Variants in TFDP2 observed in about 807,000 individuals in gnomAD.
The protein encoded by TFDP2 is transcription factor Dp-2 (E2F dimerization partner 2).
Under a neutral mutation model 59.3 loss-of-function variants are expected in TFDP2, and 17 were observed. The ratio of observed to expected loss-of-function variants is 0.29; its 90% confidence interval spans 0.20 to 0.43. The LOEUF (loss-of-function observed/expected upper bound fraction) is 0.43, where lower values mean the gene tolerates loss of function less well. Ranked by LOEUF, TFDP2 falls within the 20% of genes least tolerant of loss-of-function variation. The pLI, the probability that TFDP2 is intolerant of heterozygous loss-of-function variation, is 1.00. For synonymous variants in TFDP2, 180 were observed against 194.7 expected (o/e 0.92, Z 0.63); for missense variants, 391 against 528.8 (o/e 0.74, Z 2.56).
intron 6 of TFDP2, among the ~76,000 whole-genome samples, chr3:141,991,776 A>G (rs960163877): frequency 2.0e-5 from 3 of 150,486 alleles, no homozygotes; most frequent in Admixed American, 2.0e-4. Context: ...GGCGTGGTGG[A>G]TCATGCCTGT....
At chr3:142,127,330 CAG>C (rs1251878035) in intron 1 of TFDP2, among the ~76,000 whole-genome samples, 2 of 112,634 alleles carry the variant, frequency 1.8e-5, no homozygotes, top group African/African-American at 6.9e-5. Flanking sequence ...TTTTTTGAGA[CAG>C]AGTCTCGCTG....
chr3:142,055,585 A>C (rs1174866539), intron 3 of TFDP2, among the ~76,000 whole-genome samples: 1 of 152,236 alleles, frequency 6.6e-6, no homozygotes, highest in East Asian at 1.9e-4. Flanking sequence ...GACAAGGCTA[A>C]CATTTAAACT....
intron 1 of TFDP2, among the ~76,000 whole-genome samples, chr3:142,112,713 G>T (rs1044798254): frequency 4.6e-5 from 7 of 152,018 alleles, no homozygotes; most frequent in African/African-American, 2.4e-5. Flanking sequence ...TGAGACAGAG[G>T]TCTTGCTATA....
chr3:142,026,853 T>C (rs906143113), intron 3 of TFDP2, among the ~76,000 whole-genome samples: 3 of 152,196 alleles, frequency 2.0e-5, no homozygotes, highest in African/African-American at 2.4e-5. Context: ...CTCTTTCCAT[T>C]AGCAACCAAT....
intron 3 of TFDP2, among the ~76,000 whole-genome samples, chr3:142,050,672 G>C (rs530301580): frequency 6.6e-6 from 1 of 152,114 alleles, no homozygotes; most frequent in East Asian, 1.9e-4. Context: ...CTCCAGCCTG[G>C]GTGACAGACA....
chr3:142,143,964 C>A (rs2063056334), intron 1 of TFDP2, among the ~76,000 whole-genome samples: 1 of 152,148 alleles, frequency 6.6e-6, no homozygotes, highest in Non-Finnish European at 1.5e-5. Flanking sequence ...ATGTTTGTTG[C>A]AGCACTGTTT....
chr3:142,131,866 C>T (rs1295023840), intron 1 of TFDP2, among the ~76,000 whole-genome samples: 1 of 149,316 alleles, frequency 6.7e-6, no homozygotes, highest in Non-Finnish European at 1.5e-5. Context: ...GTTAGCTGGA[C>T]GTGGTGGCAC....
chr3:142,002,317 GTTTTT>G (rs750047190), intron 4 of TFDP2, among the ~76,000 whole-genome samples: 1 of 106,858 alleles, frequency 9.4e-6, no homozygotes, highest in Non-Finnish European at 1.8e-5. Flanking sequence ...TATTTTTAGT[GTTTTT>G]TTTTTTTTTT....
At chr3:142,051,522 C>CA (rs774707613) in intron 3 of TFDP2, among the ~76,000 whole-genome samples, 461 of 120,156 alleles carry the variant, frequency 3.8e-3, no homozygotes, top group Middle Eastern at 0.013. Flanking sequence ...GATTCCATCT[C>CA]AAAAAAAAAA....
intron 2 of TFDP2, 98 bp downstream of exon 2, chr3:142,101,637 A>G (rs373292013): frequency 9.3e-6 from 7 of 755,512 alleles, no homozygotes; most frequent in East Asian, 8.3e-5. Context: ...CCATGCAAGT[A>G]AATTAAATCT....
chr3:141,946,397 T>G lies in TFDP2; in HGVS notation c.*6116A>C, dbSNP rs1935253081. The G allele has an allele frequency of 6.6e-6, 1 of 152,240 alleles. No homozygotes were observed. Among genetic ancestry groups the G allele is most frequent in the Admixed American group, 6.5e-5 (1 of 15,282 alleles). The allele number at this position is 152,240 out of a possible 1,614,324, so 9.4% of individuals were successfully genotyped here. A position where few individuals can be genotyped will look rare whatever the true frequency, so the allele number is the denominator to read the frequency against. The stretch of plus-strand genomic sequence containing the variant: ...CAGCATTGACTTCAACAGGCCTTTT[T>G]TGTAAAGCAAAAGGTAAGATGACAA... On this transcript the variant is annotated 3_prime_UTR_variant, in exon 13 of 13. Transcript: ENST00000489671.
At chr3:142,135,088 A>G (rs1269405061) in intron 1 of TFDP2, among the ~76,000 whole-genome samples, 1 of 152,034 alleles carries the variant, frequency 6.6e-6, no homozygotes, top group African/African-American at 2.4e-5. Context: ...TATTATCGCT[A>G]TTACAGTTTT....
chr3:142,144,382 A>T (rs1233506649), intron 1 of TFDP2, among the ~76,000 whole-genome samples: 7 of 151,284 alleles, frequency 4.6e-5, no homozygotes, highest in South Asian at 2.1e-4. Flanking sequence ...AAAAAAAAAA[A>T]GCGGGGCAGC....
At chr3:142,088,657 CTGGA>C (rs2060893516) in intron 3 of TFDP2, among the ~76,000 whole-genome samples, 1 of 143,166 alleles carries the variant, frequency 7.0e-6, no homozygotes, top group Non-Finnish European at 1.5e-5. Flanking sequence ...GTCACCCAGG[CTGGA>C]ATGCAATTGT....
intron 3 of TFDP2, among the ~76,000 whole-genome samples, chr3:142,069,920 T>C (rs2060189797): frequency 6.6e-6 from 1 of 152,024 alleles, no homozygotes; most frequent in Non-Finnish European, 1.5e-5. Flanking sequence ...TTTTTCTTTT[T>C]TTTGAGATGG....
intron 1 of TFDP2, among the ~76,000 whole-genome samples, chr3:142,139,952 G>C (rs1051727567): frequency 3.3e-5 from 5 of 152,208 alleles, no homozygotes; most frequent in Admixed American, 6.5e-5. Context: ...ATAATACCCT[G>C]AAGAGTGTTT....
intron 3 of TFDP2, among the ~76,000 whole-genome samples, chr3:142,036,769 A>C (rs1946712042): frequency 6.6e-6 from 1 of 152,196 alleles, no homozygotes; most frequent in Admixed American, 6.5e-5. Flanking sequence ...ACCTAGATGA[A>C]ATTTTCTAAC....
At chr3:142,030,741 CTTT>C (rs56836983) in intron 3 of TFDP2, among the ~76,000 whole-genome samples, 5 of 121,818 alleles carry the variant, frequency 4.1e-5, no homozygotes, top group African/African-American at 6.3e-5. Context: ...CCCGTGTTCT[CTTT>C]TTTTTTTTTT....
intron 11 of TFDP2, among the ~76,000 whole-genome samples, chr3:141,954,990 T>G (rs1410006123): frequency 6.6e-6 from 1 of 152,120 alleles, no homozygotes; most frequent in Non-Finnish European, 1.5e-5. Flanking sequence ...AAAAGAGACT[T>G]CAAGTCTAAG....
Sources: gnomAD v4.1 joint callset for allele counts (sites outside exome capture counted in the v4.1 genomes callset) on GRCh38, gnomAD v4.1.1 for gene constraint, MANE v1.5 for transcripts, NCBI Gene and HGNC (gene_info 2026-07-23, HGNC 2026-07-21) for gene names.